The following DMD variants were observed in gnomAD, a reference collection of about 807,000 sequenced individuals.
The protein encoded by DMD is dystrophin.
In DMD, 63 loss-of-function variants were observed where a neutral mutation model predicts 330.1. That is an observed-to-expected ratio of 0.19 (90% CI 0.16 to 0.24). The LOEUF (loss-of-function observed/expected upper bound fraction) is 0.24, where lower values mean the gene tolerates loss of function less well. DMD is among the 10% of genes least tolerant of loss of function. The pLI is 1.00. For synonymous variants in DMD, 1,223 were observed against 959.8 expected, an observed-to-expected ratio of 1.27 and a Z score of -5.07; for missense variants, 3,344 against 2,684.1, an observed-to-expected ratio of 1.25 and a Z score of -5.43.
At chrX:31,929,850 C>G in intron 46 of DMD, 105 bp from the exon 47 acceptor site, 1 of 1,005,057 alleles carries the variant, frequency 9.9e-7, no homozygotes, top group African/African-American at 1.9e-5. Context: ...GCGACTTGAC[C>G]GAGGGCCCAG....
At chrX:31,578,781 C>T (rs2076218351) in intron 55 of DMD, among the ~76,000 whole-genome samples, 1 of 112,123 alleles carries the variant, frequency 8.9e-6, no homozygotes, top group South Asian at 3.7e-4. Flanking sequence ...CTGTGCAATG[C>T]GTCACCTTGG....
chrX:32,082,064 G>A (rs1177571566), intron 44 of DMD, among the ~76,000 whole-genome samples: 1 of 110,121 alleles, frequency 9.1e-6, no homozygotes, highest in Non-Finnish European at 1.9e-5. Flanking sequence ...TTACGTACAC[G>A]ATCTCTTTTT....
chrX:31,551,919 T>C (rs2074507942), intron 55 of DMD, among the ~76,000 whole-genome samples: 2 of 112,130 alleles, frequency 1.8e-5, no homozygotes, highest in South Asian at 7.5e-4. Context: ...AAAATGTTAA[T>C]GTAAAGATTT....
chrX:32,979,313 T>TC (rs1366335046), intron 2 of DMD, among the ~76,000 whole-genome samples: 1 of 111,999 alleles, frequency 8.9e-6, no homozygotes, highest in Non-Finnish European at 1.9e-5. Context: ...TTATCAATGT[T>TC]CCTAGAAATT....
At chrX:31,248,124 A>G (rs1446078804) in intron 63 of DMD, among the ~76,000 whole-genome samples, 2 of 112,398 alleles carry the variant, frequency 1.8e-5, no homozygotes, top group Admixed American at 9.4e-5. Flanking sequence ...TTTTTTAACA[A>G]TAAAGTATTT....
chrX:32,592,813 T>C (rs1244112981), intron 13 of DMD, among the ~76,000 whole-genome samples: 1 of 112,251 alleles, frequency 8.9e-6, no homozygotes, highest in Non-Finnish European at 1.9e-5. Context: ...CTTGGGGCTC[T>C]GTGGTTCCTG....
At chrX:31,505,394 A>AAAAAC (rs1273885561) in intron 56 of DMD, among the ~76,000 whole-genome samples, 13 of 111,683 alleles carry the variant, frequency 1.2e-4, no homozygotes, top group African/African-American at 4.2e-4. Context: ...CAAACTTGTG[A>AAAAAC]AAAACAAAAC....
At chrX:32,953,999 G>C (rs2091419680) in intron 2 of DMD, among the ~76,000 whole-genome samples, 1 of 111,650 alleles carries the variant, frequency 9.0e-6, no homozygotes, top group Non-Finnish European at 1.9e-5. Flanking sequence ...CCATACAAAG[G>C]CATGTTAATA....
intron 7 of DMD, among the ~76,000 whole-genome samples, chrX:32,759,560 C>T (rs2071958600): frequency 9.0e-6 from 1 of 111,011 alleles, no homozygotes; most frequent in Non-Finnish European, 1.9e-5. Flanking sequence ...TCTCTTAATG[C>T]CTTACCTCAA....
chrX:32,809,693 T>A (rs1400016522), intron 6 of DMD, 82 bp from the exon 7 acceptor site: 26 of 821,101 alleles, frequency 3.2e-5, no homozygotes, highest in Non-Finnish European at 4.7e-5. Flanking sequence ...CTTCCATGCT[T>A]AATTTTCATT....
rs188086616 is a variant in DMD at position 32,002,242 on chromosome X, C to A, written c.6439-33728G>T. Among the ~76,000 whole-genome samples, 187 of 111,986 alleles carry A rather than the reference C, an allele frequency of 1.7e-3. 2 individuals carry two copies. Among genetic ancestry groups the A allele is most frequent in the Non-Finnish European group, 2.7e-3 (143 of 53,035 alleles). On this transcript the variant is annotated intron_variant, in intron 44 of 78. Transcript: ENST00000357033. ...TTTATTACAAAGAGCACAAAGGGAACAATTTATGCACTAAAGGTATGTCTC... is the reference window on the plus strand; with the variant it reads ...TTTATTACAAAGAGCACAAAGGGAAAAATTTATGCACTAAAGGTATGTCTC...
chrX:31,212,359 G>A (rs1392944954), intron 64 of DMD, among the ~76,000 whole-genome samples: 1 of 109,773 alleles, frequency 9.1e-6, no homozygotes, highest in Non-Finnish European at 1.9e-5. Flanking sequence ...TATGCATGAG[G>A]GCTGTGGGGG....
chrX:32,715,174 T>C (rs1372011182), intron 7 of DMD, among the ~76,000 whole-genome samples: 1 of 111,295 alleles, frequency 9.0e-6, no homozygotes, highest in Non-Finnish European at 1.9e-5. Context: ...GAATATTACT[T>C]GGCCTTTAAA....
At chrX:32,066,784 A>C (rs1432404826) in intron 44 of DMD, among the ~76,000 whole-genome samples, 2 of 111,664 alleles carry the variant, frequency 1.8e-5, no homozygotes, top group Non-Finnish European at 3.8e-5. Flanking sequence ...CTGTGCGCAC[A>C]AACTAATGCT....
intron 1 of DMD, among the ~76,000 whole-genome samples, chrX:33,180,745 GGA>G (rs756565338): frequency 4.5e-5 from 5 of 110,462 alleles, no homozygotes; most frequent in Non-Finnish European, 7.6e-5. Flanking sequence ...GTCTTCTGTT[GGA>G]GAGAATGGTG....
intron 2 of DMD, among the ~76,000 whole-genome samples, chrX:32,850,277 C>T (rs1244416952): frequency 8.9e-6 from 1 of 111,738 alleles, no homozygotes; most frequent in Non-Finnish European, 1.9e-5. Flanking sequence ...GCTTGCTGTG[C>T]ATACACATTT....
At chrX:31,453,404 C>T (rs956168007) in intron 59 of DMD, among the ~76,000 whole-genome samples, 4 of 110,675 alleles carry the variant, frequency 3.6e-5, no homozygotes, top group Non-Finnish European at 7.6e-5. Context: ...TCAGGTGATC[C>T]GCCTGCCTTG....
intron 2 of DMD, among the ~76,000 whole-genome samples, chrX:32,923,788 ATTTG>A (rs1421845330): frequency 9.0e-6 from 1 of 111,645 alleles, no homozygotes; most frequent in Non-Finnish European, 1.9e-5. Flanking sequence ...GTCTGGTTTT[ATTTG>A]TTTAATGAAA....
chrX:31,216,672 T>C (rs1188958299), intron 64 of DMD, among the ~76,000 whole-genome samples: 2 of 112,116 alleles, frequency 1.8e-5, no homozygotes, highest in Non-Finnish European at 3.8e-5. Flanking sequence ...TAGCCTTTTC[T>C]GGCAATAGAG....
Sources: allele counts gnomAD v4.1 joint callset (sites outside exome capture counted in the v4.1 genomes callset), GRCh38; gene constraint gnomAD v4.1.1; transcripts MANE v1.5; gene names NCBI Gene and HGNC (gene_info 2026-07-23, HGNC 2026-07-21).